FOXO3: variants seen among roughly 807,000 people sequenced by gnomAD.
FOXO3 encodes the protein forkhead box O3.
A neutral mutation model predicts 41.9 loss-of-function variants in FOXO3; 4 were observed. That is an observed-to-expected ratio of 0.10 (90% confidence interval 0.05 to 0.22). The LOEUF is 0.22. FOXO3 is among the 10% of genes least tolerant of loss of function. The pLI is 1.00. For synonymous variants in FOXO3, 318 were observed against 389.3 expected, an observed-to-expected ratio of 0.82 and a Z score of 2.16; for missense variants, 534 against 906.8, an observed-to-expected ratio of 0.59 and a Z score of 5.28.
At chr6:108,660,772 C>T (rs148102105) in intron 1 of FOXO3, among the ~76,000 whole-genome samples, 22 of 152,106 alleles carry the variant, frequency 1.4e-4, no homozygotes, top group South Asian at 6.2e-4. Flanking sequence ...TTTGGGAGGC[C>T]GAGGCGGGTG....
chr6:108,663,683 A>C lies in FOXO3; in HGVS notation c.850A>C (p.Ser284Arg). The C allele has an allele frequency of 6.2e-7, 1 of 1,613,286 alleles. No individual in the cohort carries two copies. The highest frequency in any genetic ancestry group is 8.5e-7 in the Non-Finnish European group (1 of 1,179,516). The change falls in exon 2 of 3, where the codon AGT becomes CGT. Residue 284 changes from serine to arginine, a missense_variant. Ser to Arg is a moderately radical substitution (Grantham distance 110). Around this residue, in one of 8 missense-constraint regions of FOXO3, gnomAD observed 185 missense variants for 224.9 expected, o/e 0.82. Coordinates refer to ENST00000406360, the MANE Select transcript of FOXO3 (RefSeq NM_001455.4). The stretch of plus-strand genomic sequence containing the variant: ...GACAGCCCCCGAATCAGCTGACGAC[A>C]GTCCCTCCCAGCTCTCCAAGTGGCC... ...LQTAPESADD[S>R]PSQLSKWPGS... is the part of the protein sequence containing the mutation.
chr6:108,671,748 C>T (rs1452808029), intron 2 of FOXO3, among the ~76,000 whole-genome samples: 2 of 152,078 alleles, frequency 1.3e-5, no homozygotes. Context: ...ACTAGATTCC[C>T]CTGGGTTTTT....
intron 1 of FOXO3, among the ~76,000 whole-genome samples, chr6:108,620,764 G>A (rs1042634313): frequency 3.3e-5 from 5 of 152,204 alleles, no homozygotes; most frequent in Non-Finnish European, 5.9e-5. Context: ...AACCTGGGGT[G>A]GGAGTAGGGG....
intron 1 of FOXO3, among the ~76,000 whole-genome samples, chr6:108,662,861 G>A (rs184536753): frequency 1.3e-5 from 2 of 152,220 alleles, no homozygotes; most frequent in Admixed American, 6.5e-5. Flanking sequence ...TTCAATATGG[G>A]CAATATAATT....
intron 1 of FOXO3, among the ~76,000 whole-genome samples, chr6:108,586,340 A>C (rs1434258329): frequency 6.6e-6 from 1 of 152,194 alleles, no homozygotes; most frequent in African/African-American, 2.4e-5. Context: ...TGTTACTTAG[A>C]AACTTTTTCT....
chr6:108,611,109 T>C (rs1777351672), intron 1 of FOXO3, among the ~76,000 whole-genome samples: 1 of 152,134 alleles, frequency 6.6e-6, no homozygotes, highest in Non-Finnish European at 1.5e-5. Context: ...TTACTGTATG[T>C]AGCCCTTTGT....
Position 108,680,801 on chromosome 6 carries a change from A to C in FOXO3, c.*1009A>C, listed in dbSNP as rs929291081. ...CTGTTTTGCTTTGCAGAACAAATGA[A>C]CTTACAGGTGAGCATTAAGCTTGCA... On this transcript the variant is annotated 3_prime_UTR_variant, in exon 3 of 3. Transcript: ENST00000406360. The C allele has an allele frequency of 3.9e-5, 6 of 152,144 alleles. No homozygotes were observed. Among genetic ancestry groups the C allele is most frequent in the African/African-American group, 1.2e-4 (5 of 41,420 alleles). The allele number at this position is 152,144 out of a possible 1,614,324, so 9.4% of individuals were successfully genotyped here. A position where few individuals can be genotyped will look rare whatever the true frequency, so the allele number is the denominator to read the frequency against.
At chr6:108,602,594 T>G (rs1198680154) in intron 1 of FOXO3, among the ~76,000 whole-genome samples, 1 of 151,852 alleles carries the variant, frequency 6.6e-6, no homozygotes, top group Non-Finnish European at 1.5e-5. Flanking sequence ...CTGTTATTTG[T>G]CCCTCATATT....
rs147308708 is a variant in FOXO3 at position 108,562,603 on chromosome 6, T to C, written c.621+774T>C. On this transcript the variant is annotated intron_variant, in intron 1 of 2. Coordinates refer to ENST00000406360, the MANE Select transcript of FOXO3 (RefSeq NM_001455.4). ...TTCAGGCACTGTTTGAGGGAAGGGC[T>C]CTGGTGTGGGGGACGCGGGGCCTGC... 1.4e-3 allele frequency among the ~76,000 whole-genome samples: 220 copies of C among 152,124 alleles called. 1 individual carries two copies. Among genetic ancestry groups the C allele is most frequent in the Non-Finnish European group, 2.7e-3 (181 of 67,976 alleles).
At chr6:108,564,596 A>G (rs1775904842) in intron 1 of FOXO3, among the ~76,000 whole-genome samples, 1 of 152,216 alleles carries the variant, frequency 6.6e-6, no homozygotes, top group South Asian at 2.1e-4. Context: ...GAGACCTTGT[A>G]ACCAAAATTA....
At chr6:108,573,072 G>T (rs1776152530) in intron 1 of FOXO3, among the ~76,000 whole-genome samples, 1 of 152,004 alleles carries the variant, frequency 6.6e-6, no homozygotes, top group African/African-American at 2.4e-5. Context: ...GGATCACGAG[G>T]TCAGGAGATC....
intron 1 of FOXO3, among the ~76,000 whole-genome samples, chr6:108,567,179 A>G (rs1010042422): frequency 1.3e-5 from 2 of 152,036 alleles, no homozygotes; most frequent in Non-Finnish European, 2.9e-5. Context: ...TAGTACTTCA[A>G]CTCTGCTAAG....
intron 2 of FOXO3, among the ~76,000 whole-genome samples, chr6:108,671,889 A>T (rs905653228): frequency 2.0e-5 from 3 of 152,194 alleles, no homozygotes; most frequent in Admixed American, 6.5e-5. Context: ...TAATGCTACA[A>T]ATGGTGTTGA....
chr6:108,614,046 C>A (rs1777430438), intron 1 of FOXO3, among the ~76,000 whole-genome samples: 1 of 152,064 alleles, frequency 6.6e-6, no homozygotes, highest in Non-Finnish European at 1.5e-5. Context: ...TTACTGTTTT[C>A]TAACTAAATT....
At chr6:108,584,503 G>A (rs972541900) in intron 1 of FOXO3, among the ~76,000 whole-genome samples, 4 of 152,150 alleles carry the variant, frequency 2.6e-5, no homozygotes, top group African/African-American at 7.2e-5. Flanking sequence ...CCATCCTTTC[G>A]CGTTGGCTTT....
At chr6:108,673,351 A>C (rs575484271) in intron 2 of FOXO3, among the ~76,000 whole-genome samples, 8 of 152,282 alleles carry the variant, frequency 5.3e-5, no homozygotes, top group African/African-American at 1.9e-4. Context: ...GATTCCCCTC[A>C]CTACCGGAAT....
At chr6:108,602,248 AC>A (rs1364678276) in intron 1 of FOXO3, among the ~76,000 whole-genome samples, 1 of 151,820 alleles carries the variant, frequency 6.6e-6, no homozygotes. Flanking sequence ...TTTTCTAGTC[AC>A]TCTTTTTTTT....
chr6:108,633,239 G>A (rs1337046465), intron 1 of FOXO3, among the ~76,000 whole-genome samples: 1 of 152,106 alleles, frequency 6.6e-6, no homozygotes, highest in Non-Finnish European at 1.5e-5. Context: ...AGTAAACAAT[G>A]TGATCACAGT....
At chr6:108,671,362 CTGAGGG>C (rs1413082324) in intron 2 of FOXO3, among the ~76,000 whole-genome samples, 12 of 152,200 alleles carry the variant, frequency 7.9e-5, no homozygotes, top group Non-Finnish European at 1.6e-4. Context: ...GGGCTCAGCT[CTGAGGG>C]AGCTGTGGAT....
Sources: gnomAD v4.1 joint callset for allele counts (sites outside exome capture counted in the v4.1 genomes callset) on GRCh38, gnomAD v4.1.1 for gene constraint, gnomAD v4.1.1 regional missense constraint, MANE v1.5 for transcripts, NCBI Gene and HGNC (gene_info 2026-07-23, HGNC 2026-07-21) for gene names.